The following APP variants were observed in gnomAD, a reference collection of about 807,000 sequenced individuals.
APP encodes amyloid beta precursor protein.
Under a neutral mutation model 101.4 loss-of-function variants are expected in APP, and 31 were observed. The observed-to-expected ratio is 0.31, with a 90% confidence interval of 0.23 to 0.41. APP has a LOEUF of 0.41. Among genes scored for constraint, APP ranks in the 10% least tolerant of loss-of-function variants. APP has a pLI of 1.00. For synonymous variants in APP, 366 were observed against 364.4 expected (o/e 1.00, Z -0.05); for missense variants, 839 against 1,003.7 (o/e 0.84, Z 2.22).
intron 1 of APP, among the ~76,000 whole-genome samples, chr21:26,163,130 A>G (rs1340008012): frequency 6.7e-6 from 1 of 149,442 alleles, no homozygotes; most frequent in Non-Finnish European, 1.5e-5. Flanking sequence ...AAACCCAGCT[A>G]TTCAGGAGGC....
intron 8 of APP, 154 bp downstream of exon 8, chr21:25,997,206 G>T: frequency 1.4e-6 from 1 of 726,840 alleles, no homozygotes; most frequent in Non-Finnish European, 2.4e-6. Flanking sequence ...AAAATCAGAT[G>T]TAATTACAAG....
intron 1 of APP, among the ~76,000 whole-genome samples, chr21:26,165,455 A>G (rs950624750): frequency 2.6e-5 from 4 of 152,282 alleles, no homozygotes; most frequent in Non-Finnish European, 4.4e-5. Flanking sequence ...AAAAGAAACA[A>G]AGACAGAATT....
chr21:26,082,429 T>C (rs1170817917), intron 3 of APP, among the ~76,000 whole-genome samples: 3 of 152,128 alleles, frequency 2.0e-5, no homozygotes, highest in African/African-American at 7.2e-5. Context: ...AAAAGTACTA[T>C]GTGTATACAT....
At chr21:26,118,904 AT>A (rs1203682099) in intron 1 of APP, among the ~76,000 whole-genome samples, 2 of 152,012 alleles carry the variant, frequency 1.3e-5, no homozygotes, top group African/African-American at 2.4e-5. Flanking sequence ...TGAAAAAAAA[AT>A]ATATATATAG....
chr21:25,882,586 G>A (rs2037062292), intron 17 of APP, among the ~76,000 whole-genome samples: 1 of 151,642 alleles, frequency 6.6e-6, no homozygotes, highest in Admixed American at 6.6e-5. Flanking sequence ...CTGTCTGCAG[G>A]TTGGGCAGGG....
intron 15 of APP, among the ~76,000 whole-genome samples, chr21:25,899,087 A>T (rs977393633): frequency 3.3e-5 from 5 of 152,198 alleles, no homozygotes; most frequent in African/African-American, 1.2e-4. Context: ...ACCTATTTGA[A>T]AAGAGACCCA....
At position 26,053,359 on chromosome 21, in the gene APP, G is replaced by A. The variant is rs201801890; in HGVS notation, c.356-11C>T. 14 of 1,548,462 alleles carry A rather than the reference G, an allele frequency of 9.0e-6. No homozygotes were observed. Among genetic ancestry groups the A allele is most frequent in the Non-Finnish European group, 1.2e-5 (14 of 1,120,428 alleles). On this transcript the variant is annotated splice_polypyrimidine_tract_variant and intron_variant, in intron 3 of 17. Transcript: ENST00000346798. ...TTACAAACTCACCAACTGAAAGAAAGGAAAACCACTTCCCGTCATTCCATC... is the reference window on the plus strand; with the variant it reads ...TTACAAACTCACCAACTGAAAGAAAAGAAAACCACTTCCCGTCATTCCATC...
intron 11 of APP, among the ~76,000 whole-genome samples, chr21:25,967,054 C>T (rs1420302881): frequency 6.6e-6 from 1 of 152,188 alleles, no homozygotes; most frequent in Non-Finnish European, 1.5e-5. Context: ...TGAAACCGTG[C>T]TCTTTAATGA....
At chr21:26,103,374 C>T (rs1310952047) in intron 2 of APP, among the ~76,000 whole-genome samples, 1 of 152,008 alleles carries the variant, frequency 6.6e-6, no homozygotes, top group South Asian at 2.1e-4. Context: ...TTTGGGAGGC[C>T]GAGGCAGGTA....
chr21:26,154,572 G>A (rs2063338013), intron 1 of APP, among the ~76,000 whole-genome samples: 1 of 152,186 alleles, frequency 6.6e-6, no homozygotes, highest in African/African-American at 2.4e-5. Context: ...GGGCCAGATT[G>A]TCTTAAAGCT....
intron 13 of APP, among the ~76,000 whole-genome samples, chr21:25,927,262 A>T (rs2039941519): frequency 6.6e-6 from 1 of 152,108 alleles, no homozygotes; most frequent in African/African-American, 2.4e-5. Flanking sequence ...CATTCTCAAT[A>T]GCACTTTCCT....
chr21:26,100,935 G>A (rs1296479497), intron 2 of APP, among the ~76,000 whole-genome samples: 2 of 152,068 alleles, frequency 1.3e-5, no homozygotes, highest in Non-Finnish European at 2.9e-5. Flanking sequence ...CCTGTTCAAA[G>A]TTCCCTCCAG....
chr21:26,153,177 A>T (rs1343927144), intron 1 of APP, among the ~76,000 whole-genome samples: 1 of 152,186 alleles, frequency 6.6e-6, no homozygotes, highest in African/African-American at 2.4e-5. Flanking sequence ...GGATTAAAAG[A>T]AAAACTAGAC....
intron 11 of APP, among the ~76,000 whole-genome samples, chr21:25,958,450 T>C (rs1392637716): frequency 1.3e-5 from 2 of 152,152 alleles, no homozygotes; most frequent in Admixed American, 6.5e-5. Flanking sequence ...CTAATTTTTT[T>C]GTATTTTTAG....
At position 25,892,116 on chromosome 21, in the gene APP, T is replaced by G. The variant is rs8127843; in HGVS notation, c.2065-248A>C. Among the ~76,000 whole-genome samples the G allele has an allele frequency of 3.2e-3, 467 of 147,860 alleles. 2 individuals carry two copies. Among genetic ancestry groups the G allele is most frequent in the African/African-American group, 0.011 (436 of 39,856 alleles). On this transcript the variant is annotated intron_variant, in intron 16 of 17. Transcript: ENST00000346798. ...ATGATAATCATAGTTTATAGAAGGA[T>G]GTACAACATGTGGCTTCCCCAGTTC... is the stretch of plus-strand genomic sequence containing the variant.
intron 3 of APP, among the ~76,000 whole-genome samples, chr21:26,064,532 G>C (rs540366301): frequency 8.5e-5 from 13 of 152,222 alleles, no homozygotes; most frequent in Non-Finnish European, 1.6e-4. Flanking sequence ...AAGAGGCCCA[G>C]AGCTAGTGAA....
In APP at chr21:26,052,653, G is replaced by A. The variant is rs200917187; in HGVS notation, c.468+583C>T. Among the ~76,000 whole-genome samples, 3 of 152,286 alleles carry A rather than the reference G, an allele frequency of 2.0e-5. No individual in the cohort carries two copies. The East Asian group carries it at 5.8e-4, about 29-fold the overall frequency. ...AAAATCAAGATGGTAGGCATGGCCT[G>A]CTGAATATAAAACTGGATGGTATAA... On this transcript the variant is annotated intron_variant, in intron 4 of 17. Transcript: ENST00000346798.
At chr21:25,930,092 A>C (rs760158162) in intron 13 of APP, among the ~76,000 whole-genome samples, 2 of 152,200 alleles carry the variant, frequency 1.3e-5, no homozygotes, top group Non-Finnish European at 2.9e-5. Context: ...TTCCAACAGG[A>C]CAAGGGAGGG....
At chr21:25,995,802 T>A (rs1376679162) in intron 8 of APP, among the ~76,000 whole-genome samples, 1 of 152,370 alleles carries the variant, frequency 6.6e-6, no homozygotes. Context: ...TTATACATAA[T>A]GTGAATTATT....
Sources: allele counts gnomAD v4.1 joint callset (sites outside exome capture counted in the v4.1 genomes callset), GRCh38; gene constraint gnomAD v4.1.1; transcripts MANE v1.5; gene names NCBI Gene and HGNC (gene_info 2026-07-23, HGNC 2026-07-21).